Variants in ZNF385D observed in about 807,000 individuals in gnomAD.
ZNF385D encodes the protein zinc finger protein 659.
In ZNF385D, 15 loss-of-function variants were observed where a neutral mutation model predicts 35.8. The ratio of observed to expected loss-of-function variants is 0.42; its 90% CI spans 0.28 to 0.64. ZNF385D has a LOEUF of 0.64. Among genes scored for constraint, ZNF385D ranks in the 30% least tolerant of loss-of-function variants. The pLI is 0.23. For synonymous variants in ZNF385D, 212 were observed against 186.8 expected (o/e 1.13, Z -1.10); for missense variants, 474 against 494.6 (o/e 0.96, Z 0.39).
At chr3:21,573,254 A>C (rs1264284211) in intron 2 of ZNF385D, among the ~76,000 whole-genome samples, 6 of 152,242 alleles carry the variant, frequency 3.9e-5, no homozygotes, top group African/African-American at 1.4e-4. Context: ...CCAATGGCAA[A>C]ATGGTTAAGG....
At chr3:21,497,882 C>G (rs9854332) in intron 4 of ZNF385D, among the ~76,000 whole-genome samples, 4,013 of 151,906 alleles carry the variant, frequency 0.026, 172 homozygotes, top group African/African-American at 0.091. Flanking sequence ...TAATAAAACT[C>G]TTACGGAACC....
intron 3 of ZNF385D, among the ~76,000 whole-genome samples, chr3:22,127,317 CTTTTTTTTTTTTTTTTTTT>C (rs71044975): frequency 1.2e-4 from 7 of 56,334 alleles, no homozygotes; most frequent in Non-Finnish European, 2.0e-4. Flanking sequence ...TCATTTCCTG[CTTTTTTTTTTTTTTTTTTT>C]TTTTTTTTTT....
chr3:22,002,779 T>A (rs1416346845), intron 3 of ZNF385D, among the ~76,000 whole-genome samples: 1 of 152,156 alleles, frequency 6.6e-6, no homozygotes, highest in African/African-American at 2.4e-5. Flanking sequence ...GCAAGATTTG[T>A]TCAACATACA....
chr3:21,464,437 C>G (rs1195000318), intron 4 of ZNF385D, among the ~76,000 whole-genome samples: 2 of 152,070 alleles, frequency 1.3e-5, no homozygotes, highest in Non-Finnish European at 2.9e-5. Flanking sequence ...AATCTTTTGT[C>G]TGTCTTCCTT....
chr3:21,737,750 G>A (rs542666952), intron 1 of ZNF385D, among the ~76,000 whole-genome samples: 37 of 152,268 alleles, frequency 2.4e-4, no homozygotes, highest in African/African-American at 6.7e-4. Context: ...GGTCTAAAAG[G>A]TGTTTGGATT....
intron 2 of ZNF385D, among the ~76,000 whole-genome samples, chr3:22,262,840 T>C (rs141664944): frequency 0.011 from 1,723 of 151,978 alleles, 51 homozygotes; most frequent in Admixed American, 0.06. Context: ...GTGGTCTTCG[T>C]CCCCTCTTCC....
chr3:21,951,795 G>A (rs1201755438), intron 3 of ZNF385D, among the ~76,000 whole-genome samples: 1 of 151,236 alleles, frequency 6.6e-6, no homozygotes, highest in Non-Finnish European at 1.5e-5. Flanking sequence ...TAAATTATTG[G>A]CTTAAAGGTA....
At chr3:22,108,360 T>G (rs1479622461) in intron 3 of ZNF385D, among the ~76,000 whole-genome samples, 1 of 145,460 alleles carries the variant, frequency 6.9e-6, no homozygotes, top group African/African-American at 2.7e-5. Flanking sequence ...TAATGAAAGG[T>G]TTTTTTTGTT....
rs1695654701 is a variant in ZNF385D, at chr3:22,346,260, T to C, written c.106+26190A>G. 2.7e-5 allele frequency among the ~76,000 whole-genome samples: 4 copies of C among 150,896 alleles called. No homozygotes were observed. The South Asian group carries it at 8.3e-4, about 31-fold the overall frequency. ...AGCTCAAAGGAATAGACGTTTTTCC[T>C]CAAAGAAATATTCATTTCTTTTTCC... On this transcript the variant is annotated intron_variant, in intron 2 of 5. Transcript: ENST00000494108.
chr3:21,460,323 A>G (rs558291675), intron 4 of ZNF385D, among the ~76,000 whole-genome samples: 1 of 152,308 alleles, frequency 6.6e-6, no homozygotes, highest in East Asian at 1.9e-4. Context: ...TCCCTAATCT[A>G]ACTCTTTGTG....
intron 3 of ZNF385D, among the ~76,000 whole-genome samples, chr3:22,017,149 G>C (rs980850685): frequency 2.6e-5 from 4 of 151,926 alleles, no homozygotes; most frequent in Non-Finnish European, 5.9e-5. Flanking sequence ...TATTTTTATG[G>C]TTATGAGAGC....
chr3:21,703,520 T>C (rs1283244708), intron 1 of ZNF385D, among the ~76,000 whole-genome samples: 2 of 152,182 alleles, frequency 1.3e-5, no homozygotes, highest in African/African-American at 2.4e-5. Context: ...CCAATCATTG[T>C]AAATAACCCC....
rs59283813 is a variant in ZNF385D at position 22,246,225 on chromosome 3, T to C, written c.107-77190A>G. ...TAACTGTCTTTCTCCAGAATATCTCTTAAGTAGATCTATACCTTTCTATAA... is the reference window on the plus strand; with the variant it reads ...TAACTGTCTTTCTCCAGAATATCTCCTAAGTAGATCTATACCTTTCTATAA... On this transcript the variant is annotated intron_variant, in intron 2 of 5. Transcript: ENST00000494108. Among the ~76,000 whole-genome samples, 1,168 of 152,268 alleles carry C rather than the reference T, an allele frequency of 7.7e-3. 17 individuals carry two copies. The highest frequency in any genetic ancestry group is 0.027 in the African/African-American group (1,103 of 41,550).
intron 4 of ZNF385D, among the ~76,000 whole-genome samples, chr3:21,460,711 A>G (rs939160833): frequency 6.6e-6 from 1 of 152,142 alleles, no homozygotes; most frequent in Non-Finnish European, 1.5e-5. Flanking sequence ...AGGAGATACA[A>G]TGAAGTTACT....
intron 3 of ZNF385D, among the ~76,000 whole-genome samples, chr3:21,821,819 A>G (rs1694251089): frequency 6.6e-6 from 1 of 151,884 alleles, no homozygotes; most frequent in Non-Finnish European, 1.5e-5. Context: ...TAAATTAACC[A>G]GGCACGGTAG....
chr3:21,955,942 T>A (rs997428527), intron 3 of ZNF385D, among the ~76,000 whole-genome samples: 4 of 152,056 alleles, frequency 2.6e-5, no homozygotes, highest in African/African-American at 7.2e-5. Context: ...TCCCAGCAAT[T>A]TGGGAGGCCC....
chr3:21,992,198 A>T lies in ZNF385D; in HGVS notation c.325+176619T>A, dbSNP rs1695191352. Among the ~76,000 whole-genome samples the T allele has an allele frequency of 1.3e-5, 2 of 152,166 alleles. 1 individual carries two copies. The highest frequency in any genetic ancestry group is 2.9e-5 in the Non-Finnish European group (2 of 68,004). ...CCATAAATATTGCCAAACAGACAAC[A>T]TAATATCTAATTTCACAGAATATAG... On this transcript the variant is annotated intron_variant, in intron 3 of 5. Coordinates refer to the ZNF385D transcript ENST00000494108.
At chr3:21,765,475 T>C (rs1399686179) in intron 3 of ZNF385D, among the ~76,000 whole-genome samples, 1 of 152,062 alleles carries the variant, frequency 6.6e-6, no homozygotes, top group Non-Finnish European at 1.5e-5. Context: ...ACCCATGACT[T>C]GTGTGGCCTA....
Position 21,600,321 on chromosome 3 carries a change from C to T in ZNF385D, c.166-35637G>A, listed in dbSNP as rs556644507. Among the ~76,000 whole-genome samples the T allele has an allele frequency of 1.2e-4, 18 of 152,272 alleles. No homozygotes were observed. The East Asian group carries it at 3.1e-3, about 26-fold the overall frequency. Reference sequence around the variant, plus strand: ...TTGTTGCACGAGATCCAAGAACCCTCTCTTGGGGTCTGAATCAGGACCCCT... The same window carrying T: ...TTGTTGCACGAGATCCAAGAACCCTTTCTTGGGGTCTGAATCAGGACCCCT... On this transcript the variant is annotated intron_variant, in intron 2 of 7. Transcript: ENST00000281523.
Sources: allele counts gnomAD v4.1 joint callset (sites outside exome capture counted in the v4.1 genomes callset), GRCh38; gene constraint gnomAD v4.1.1; transcripts MANE v1.5; gene names NCBI Gene and HGNC (gene_info 2026-07-23, HGNC 2026-07-21).